Variants in SLC25A33 observed in about 807,000 individuals in gnomAD.
The protein encoded by SLC25A33 is solute carrier family 25 member 33, also known as bone marrow stromal cell mitochondrial carrier protein.
Under a neutral mutation model 35.5 loss-of-function variants are expected in SLC25A33, and 15 were observed. That is an observed-to-expected ratio of 0.42 (90% CI 0.28 to 0.65). SLC25A33 has a LOEUF of 0.65. SLC25A33 is among the 30% of genes least tolerant of loss of function. The probability of loss-of-function intolerance (pLI) is 0.20; values close to 1 mark genes in which losing one functional copy is unlikely to be tolerated. For missense variants in SLC25A33, 257 were observed against 398.5 expected (o/e 0.64, Z 3.02); for synonymous variants, 136 against 148.7 (o/e 0.91, Z 0.62).
intron 4 of SLC25A33, among the ~76,000 whole-genome samples, chr1:9,572,551 G>A (rs1053635433): frequency 2.6e-5 from 4 of 152,216 alleles, no homozygotes; most frequent in South Asian, 2.1e-4. Flanking sequence ...CCGGGAGGCG[G>A]AGCTTGCAGT....
At position 9,579,959 on chromosome 1, in the gene SLC25A33, G is replaced by T; in HGVS notation, c.488G>T (p.Arg163Met). Residue 163 changes from arginine (R) to methionine (M), a missense_variant, in exon 6 of 7, where the codon AGG (arginine) becomes ATG (methionine). Transcript: ENST00000302692. ...TGTTGGTCTCTTTTATGCAGAGTGA[G>T]GGGCTCTAAGCAGATGAATACACTC... ...KTRMQLEQKV[R>M]GSKQMNTLQC... 1 of 1,611,856 alleles carries T rather than the reference G, an allele frequency of 6.2e-7. No homozygotes were observed. Among genetic ancestry groups the T allele is most frequent in the Non-Finnish European group, 8.5e-7 (1 of 1,179,042 alleles).
intron 1 of SLC25A33, among the ~76,000 whole-genome samples, chr1:9,551,212 A>G (rs2100377567): frequency 6.6e-6 from 1 of 152,016 alleles, no homozygotes; most frequent in Middle Eastern, 3.4e-3. Flanking sequence ...GTGAAAGCCC[A>G]TCTCTACTAA....
At chr1:9,576,159 G>A (rs1393119560) in intron 5 of SLC25A33, among the ~76,000 whole-genome samples, 1 of 152,186 alleles carries the variant, frequency 6.6e-6, no homozygotes, top group Non-Finnish European at 1.5e-5. Flanking sequence ...GTTAATATTT[G>A]TCTCTCAGCA....
intron 1 of SLC25A33, among the ~76,000 whole-genome samples, chr1:9,540,799 C>T (rs191472692): frequency 6.6e-6 from 1 of 152,312 alleles, no homozygotes; most frequent in East Asian, 1.9e-4. Context: ...GGTTGAGAAA[C>T]TTATCTTGGA....
chr1:9,567,377 T>C lies in SLC25A33; in HGVS notation c.314+16T>C. 6.2e-7 allele frequency: 1 copy of C among 1,610,838 alleles called. No individual in the cohort carries two copies. Among genetic ancestry groups the C allele is most frequent in the Non-Finnish European group, 8.5e-7 (1 of 1,177,906 alleles). The stretch of plus-strand genomic sequence containing the variant: ...CACCATCAAGGTAAGCATTAAACTT[T>C]CCAGCTAGCTCATGCTAAGCAGTAT... On this transcript the variant is annotated intron_variant, in intron 3 of 6. Transcript: ENST00000302692.
intron 1 of SLC25A33, among the ~76,000 whole-genome samples, chr1:9,548,572 ACT>A (rs1405774624): frequency 1.3e-5 from 2 of 152,172 alleles, no homozygotes; most frequent in African/African-American, 4.8e-5. Flanking sequence ...ACAGAGTGAG[ACT>A]CTGTCTCAAC....
In SLC25A33 at chr1:9,582,722, A is replaced by C. The variant is rs1283104868; in HGVS notation, c.*221A>C. On this transcript the variant is annotated 3_prime_UTR_variant, in exon 7 of 7. Coordinates refer to ENST00000302692, the MANE Select transcript of SLC25A33 (RefSeq NM_032315.3). The surrounding 1 kb of genome is among the most constrained non-coding windows in gnomAD (Gnocchi z 4.0). ...ATAACTTTTTTTTTAACTTAAGAGG[A>C]TTCAGGGTTAAGCACCAACTAAATT... is the stretch of plus-strand genomic sequence containing the variant. 1.9e-6 allele frequency: 1 copy of C among 540,506 alleles called. No homozygotes were observed. The highest frequency in any genetic ancestry group is 3.2e-6 in the Non-Finnish European group (1 of 309,228). 33.5% of individuals were successfully genotyped at this position (540,506 alleles called of 1,614,324 possible). A position where few individuals can be genotyped will look rare whatever the true frequency, so the allele number is the denominator to read the frequency against.
chr1:9,574,234 C>G (rs561010720), intron 5 of SLC25A33, among the ~76,000 whole-genome samples: 1 of 151,600 alleles, frequency 6.6e-6, no homozygotes, highest in Non-Finnish European at 1.5e-5. Context: ...TTTGAGACCA[C>G]AGGTGCATGC....
At chr1:9,549,107 G>C (rs1274248826) in intron 1 of SLC25A33, among the ~76,000 whole-genome samples, 1 of 152,170 alleles carries the variant, frequency 6.6e-6, no homozygotes, top group Non-Finnish European at 1.5e-5. Context: ...CTGGTGCATT[G>C]GCCCAAGCCA....
At chr1:9,555,585 A>T (rs1643331684) in intron 2 of SLC25A33, among the ~76,000 whole-genome samples, 1 of 152,190 alleles carries the variant, frequency 6.6e-6, no homozygotes, top group Admixed American at 6.5e-5. Context: ...ACTGAACAGC[A>T]AGACCAGATG....
rs1052172181 is a variant in SLC25A33 at position 9,578,291 on chromosome 1, A to T, written c.483-1663A>T. Reference sequence around the variant, plus strand: ...AAGGTCACTGCCGCTAAGGAGCGGGAACAGTCTATGCGGAGATAATAAAGA... The same window carrying T: ...AAGGTCACTGCCGCTAAGGAGCGGGTACAGTCTATGCGGAGATAATAAAGA... On this transcript the variant is annotated intron_variant, in intron 5 of 6. Coordinates refer to ENST00000302692, the MANE Select transcript of SLC25A33 (RefSeq NM_032315.3). The surrounding 1 kb of genome is among the most constrained non-coding windows in gnomAD (Gnocchi z 4.3). 6.6e-6 allele frequency among the ~76,000 whole-genome samples: 1 copy of T among 152,118 alleles called. No individual in the cohort carries two copies. The highest frequency in any genetic ancestry group is 2.4e-5 in the African/African-American group (1 of 41,416).
At chr1:9,540,143 G>A (rs1026250363) in intron 1 of SLC25A33, among the ~76,000 whole-genome samples, 1 of 152,124 alleles carries the variant, frequency 6.6e-6, no homozygotes, top group Admixed American at 6.5e-5. Flanking sequence ...CTCAGAGCCC[G>A]TGGTAGGATC....
intron 2 of SLC25A33, among the ~76,000 whole-genome samples, chr1:9,556,654 C>CA (rs1643346512): frequency 6.6e-6 from 1 of 151,814 alleles, no homozygotes; most frequent in African/African-American, 2.4e-5. Flanking sequence ...CAGCCCCCCC[C>CA]ATAAGAGATT....
At position 9,553,203 on chromosome 1, in the gene SLC25A33, G is replaced by GTTTTTTTTTTTTTTTTTTTTT. The variant is rs550067186; in HGVS notation, c.57-419_57-399dup. ...TTAACCTTTATTGTGTTCTAGTTTT[G>GTTTTTTTTTTTTTTTTTTTTT]TTTTTTTTTTTTTTTTTTTTTTTTG... On this transcript the variant is annotated intron_variant, in intron 1 of 6. Transcript: ENST00000302692. Among the ~76,000 whole-genome samples, 76 of 56,498 alleles carry GTTTTTTTTTTTTTTTTTTTTT rather than the reference G, an allele frequency of 1.3e-3. 1 individual carries two copies. The highest frequency in any genetic ancestry group is 1.6e-3 in the Admixed American group (6 of 3,674). The allele number at this position is 56,498 out of a possible 152,430, so 37.1% of individuals were successfully genotyped here.
rs1404338370 is a variant in SLC25A33, at chr1:9,583,090, G to T, written c.*589G>T. On this transcript the variant is annotated 3_prime_UTR_variant, in exon 7 of 7. Transcript: ENST00000302692. ...AAATACAAAAATTAGCCGGACGTGT[G>T]CCTGTAATCCCAGCTACTTGGGAGG... The T allele has an allele frequency of 6.6e-6, 1 of 152,238 alleles. No individual in the cohort carries two copies. Among genetic ancestry groups the T allele is most frequent in the Admixed American group, 6.5e-5 (1 of 15,276 alleles). 9.4% of individuals were successfully genotyped at this position (152,238 alleles called of 1,614,324 possible).
chr1:9,573,930 A>C lies in SLC25A33; in HGVS notation c.482+518A>C, dbSNP rs144578659. On this transcript the variant is annotated intron_variant, in intron 5 of 6. Coordinates refer to ENST00000302692, the MANE Select transcript of SLC25A33 (RefSeq NM_032315.3). The stretch of plus-strand genomic sequence containing the variant: ...CCTTTGGTAGTCTGGTGACACCTGC[A>C]GGCCCTTTTTAGAATAATGTTGTTT... Among the ~76,000 whole-genome samples, 1,319 of 151,704 alleles carry C rather than the reference A, an allele frequency of 8.7e-3. 21 individuals carry two copies. The highest frequency in any genetic ancestry group is 0.03 in the African/African-American group (1,233 of 41,366).
At chr1:9,580,609 G>A (rs907746383) in intron 6 of SLC25A33, among the ~76,000 whole-genome samples, 5 of 152,190 alleles carry the variant, frequency 3.3e-5, no homozygotes, top group African/African-American at 1.2e-4. Context: ...TGTAATCCCA[G>A]CACTTTGGGA....
chr1:9,580,800 G>A (rs1206964366), intron 6 of SLC25A33, among the ~76,000 whole-genome samples: 3 of 150,714 alleles, frequency 2.0e-5, no homozygotes, highest in Admixed American at 6.6e-5. Flanking sequence ...AGGTTGCAGT[G>A]AGCCGAGATC....
chr1:9,573,853 A>C (rs1194289726), intron 5 of SLC25A33, among the ~76,000 whole-genome samples: 1 of 152,006 alleles, frequency 6.6e-6, no homozygotes, highest in Non-Finnish European at 1.5e-5. Context: ...ATAGGTTTCT[A>C]CCCTCAAGCT....
Sources: allele counts gnomAD v4.1 joint callset (sites outside exome capture counted in the v4.1 genomes callset), GRCh38; gene constraint gnomAD v4.1.1; non-coding constraint Gnocchi (gnomAD v3.1); transcripts MANE v1.5; gene names NCBI Gene and HGNC (gene_info 2026-07-23, HGNC 2026-07-21).